Variants in HDAC9 observed in about 807,000 individuals in gnomAD.
HDAC9 encodes the protein MEF-2 interacting transcription repressor (MITR) protein.
HDAC9 carries 41 observed loss-of-function variants against 139.4 expected under a neutral mutation model. The observed-to-expected ratio is 0.29, with a 90% CI of 0.23 to 0.38. The LOEUF is 0.38. Among genes scored for constraint, HDAC9 ranks in the 10% least tolerant of loss-of-function variants. The pLI is 1.00. For synonymous variants in HDAC9, 517 were observed against 476.2 expected, an observed-to-expected ratio of 1.09 and a Z score of -1.12; for missense variants, 1,147 against 1,297.0, an observed-to-expected ratio of 0.88 and a Z score of 1.78.
intron 24 of HDAC9, among the ~76,000 whole-genome samples, chr7:18,971,683 T>C (rs1784252082): frequency 6.6e-6 from 1 of 152,258 alleles, no homozygotes; most frequent in African/African-American, 2.4e-5. Context: ...TAATGTAGAA[T>C]ATTTCCCTTG....
intron 1 of HDAC9, among the ~76,000 whole-genome samples, chr7:18,113,811 T>C (rs1338793210): frequency 6.6e-6 from 1 of 152,224 alleles, no homozygotes; most frequent in African/African-American, 2.4e-5. Flanking sequence ...TTTTTTTATA[T>C]TTGCATGGTA....
At chr7:18,740,214 C>T (rs900077377) in intron 13 of HDAC9, among the ~76,000 whole-genome samples, 1 of 152,202 alleles carries the variant, frequency 6.6e-6, no homozygotes, top group South Asian at 2.1e-4. Flanking sequence ...CCCCCAACCC[C>T]TTGTGCTTCC....
intron 24 of HDAC9, among the ~76,000 whole-genome samples, chr7:18,958,740 AT>A (rs1250271720): frequency 6.6e-6 from 1 of 152,106 alleles, no homozygotes; most frequent in African/African-American, 2.4e-5. Context: ...GCCTGCGTTG[AT>A]TTTTGTAACT....
intron 25 of HDAC9, among the ~76,000 whole-genome samples, chr7:18,981,341 G>A (rs1354990271): frequency 6.6e-6 from 1 of 152,150 alleles, no homozygotes; most frequent in Non-Finnish European, 1.5e-5. Context: ...TAAAGTGTTA[G>A]GGGCCAGGAT....
intron 21 of HDAC9, among the ~76,000 whole-genome samples, chr7:18,858,068 G>A (rs1484770655): frequency 6.6e-6 from 1 of 152,122 alleles, no homozygotes; most frequent in African/African-American, 2.4e-5. Flanking sequence ...CGGCTGTTTA[G>A]TGGTTCATTT....
In HDAC9 at chr7:18,739,202, C is replaced by T. The variant is rs187163394; in HGVS notation, c.1910-9803C>T. ...GTTTTTAGCTTCCTTGAGATGGGTTCGAACAAGCTCCTTTAGCTCAGAGAT... is the reference window on the plus strand; with the variant it reads ...GTTTTTAGCTTCCTTGAGATGGGTTTGAACAAGCTCCTTTAGCTCAGAGAT... On this transcript the variant is annotated intron_variant, in intron 13 of 25. Transcript: ENST00000686413. 6.9e-4 allele frequency among the ~76,000 whole-genome samples: 105 copies of T among 152,256 alleles called. No homozygotes were observed. In the Middle Eastern group the frequency reaches 0.01, roughly 15 times the overall value.
intron 2 of HDAC9, among the ~76,000 whole-genome samples, chr7:18,259,081 T>C (rs1336959431): frequency 6.7e-6 from 1 of 148,702 alleles, no homozygotes; most frequent in African/African-American, 2.5e-5. Context: ...GCACTTCTCC[T>C]GCCTCAGCCT....
intron 1 of HDAC9, among the ~76,000 whole-genome samples, chr7:18,091,200 G>A (rs1782119100): frequency 6.6e-6 from 1 of 152,160 alleles, no homozygotes; most frequent in African/African-American, 2.4e-5. Flanking sequence ...AAATCATTAA[G>A]TATCAAGTAC....
intron 24 of HDAC9, among the ~76,000 whole-genome samples, chr7:18,970,311 C>G (rs1394517985): frequency 6.6e-6 from 1 of 151,824 alleles, no homozygotes; most frequent in African/African-American, 2.4e-5. Flanking sequence ...TTCAGATAAT[C>G]AATATAAAGA....
intron 2 of HDAC9, among the ~76,000 whole-genome samples, chr7:18,534,616 T>A (rs908767505): frequency 6.6e-6 from 1 of 152,190 alleles, no homozygotes; most frequent in African/African-American, 2.4e-5. Flanking sequence ...TCTCACCTTA[T>A]GAGTCGTTAG....
At chr7:18,103,165 T>C (rs1052444016) in intron 1 of HDAC9, among the ~76,000 whole-genome samples, 3 of 152,046 alleles carry the variant, frequency 2.0e-5, no homozygotes, top group Admixed American at 1.3e-4. Flanking sequence ...TCAGATCTCA[T>C]GAGACTTGTT....
At chr7:18,155,638 A>G (rs1049676247) in intron 1 of HDAC9, among the ~76,000 whole-genome samples, 1 of 152,176 alleles carries the variant, frequency 6.6e-6, no homozygotes, top group Non-Finnish European at 1.5e-5. Flanking sequence ...GTTCTCCTAA[A>G]AGTCTTAGAA....
intron 1 of HDAC9, among the ~76,000 whole-genome samples, chr7:18,156,700 C>T (rs1010840870): frequency 2.0e-5 from 3 of 152,116 alleles, no homozygotes; most frequent in Non-Finnish European, 4.4e-5. Flanking sequence ...ACATAAGATA[C>T]ATTATTATTG....
chr7:18,285,147 A>C (rs1460113888), intron 2 of HDAC9, among the ~76,000 whole-genome samples: 1 of 152,096 alleles, frequency 6.6e-6, no homozygotes, highest in Non-Finnish European at 1.5e-5. Context: ...CTGTGGGATA[A>C]AATTTGGGGG....
chr7:18,951,268 C>G lies in HDAC9; in HGVS notation c.2938-2878C>G, dbSNP rs1782774985. Reference sequence around the variant, plus strand: ...TATATGGTATATGCAACTTAACAAACATCTGAATCATGCCAATACATTATC... The same window carrying G: ...TATATGGTATATGCAACTTAACAAAGATCTGAATCATGCCAATACATTATC... On this transcript the variant is annotated intron_variant, in intron 23 of 25. Transcript: ENST00000686413. Among the ~76,000 whole-genome samples the G allele has an allele frequency of 3.3e-5, 5 of 151,974 alleles. 1 individual carries two copies. In the South Asian group the frequency reaches 1.0e-3, roughly 31 times the overall value.
At chr7:18,946,486 T>G (rs773036743) in intron 23 of HDAC9, among the ~76,000 whole-genome samples, 1 of 151,994 alleles carries the variant, frequency 6.6e-6, no homozygotes, top group African/African-American at 2.4e-5. Context: ...CCACAAGAAC[T>G]AACTGAAGGA....
intron 12 of HDAC9, among the ~76,000 whole-genome samples, chr7:18,726,112 T>C (rs904166560): frequency 6.6e-6 from 1 of 152,242 alleles, no homozygotes; most frequent in African/African-American, 2.4e-5. Context: ...TAAATCTATA[T>C]TTATAATCCA....
chr7:18,880,876 A>T (rs10228341), intron 22 of HDAC9, among the ~76,000 whole-genome samples: 2 of 151,464 alleles, frequency 1.3e-5, no homozygotes, highest in Non-Finnish European at 2.9e-5. Flanking sequence ...AAAGCTTAGC[A>T]TCTTGAATTA....
At chr7:18,407,991 G>A (rs1205260822) in intron 1 of HDAC9, among the ~76,000 whole-genome samples, 1 of 152,106 alleles carries the variant, frequency 6.6e-6, no homozygotes, top group Non-Finnish European at 1.5e-5. Flanking sequence ...ATTGTGTGTC[G>A]ATGGACAAAT....
Sources: allele counts gnomAD v4.1 joint callset (sites outside exome capture counted in the v4.1 genomes callset), GRCh38; gene constraint gnomAD v4.1.1; transcripts MANE v1.5; gene names NCBI Gene and HGNC (gene_info 2026-07-23, HGNC 2026-07-21).